ALDH5A1: variants seen among roughly 807,000 people sequenced by gnomAD.
The protein encoded by ALDH5A1 is aldehyde dehydrogenase 5 family member A1.
A neutral mutation model predicts 54.7 loss-of-function variants in ALDH5A1; 33 were observed. The observed-to-expected ratio is 0.60, with a 90% CI of 0.46 to 0.81. The LOEUF is 0.81. Among genes scored for constraint, ALDH5A1 ranks in the 30% least tolerant of loss-of-function variants. The pLI, the probability that ALDH5A1 is intolerant of heterozygous loss-of-function variation, is 0.00. For missense variants in ALDH5A1, 657 were observed against 711.0 expected (o/e 0.92, Z 0.86); for synonymous variants, 294 against 292.7 (o/e 1.00, Z -0.05).
intron 1 of ALDH5A1, among the ~76,000 whole-genome samples, chr6:24,500,188 C>T (rs1411594305): frequency 6.6e-6 from 1 of 152,180 alleles, no homozygotes; most frequent in Non-Finnish European, 1.5e-5. Context: ...GCAAAATATG[C>T]ATAACATAAC....
At chr6:24,527,215 C>CA (rs1484032924) in intron 7 of ALDH5A1, among the ~76,000 whole-genome samples, 1 of 151,740 alleles carries the variant, frequency 6.6e-6, no homozygotes, top group Admixed American at 6.6e-5. Context: ...AGGTGGAGTA[C>CA]AAAACACCAG....
In ALDH5A1 at chr6:24,528,007, A is replaced by C; in HGVS notation, c.1184A>C (p.Gln395Pro). Residue 395 changes from glutamine to proline, a missense_variant, in exon 8 of 10, where the codon CAG becomes CCG. Gln to Pro is a moderately conservative substitution (Grantham distance 76). Coordinates refer to ENST00000357578, the MANE Select transcript of ALDH5A1 (RefSeq NM_001080.3). ...NEKAVEKVEK[Q>P]VNDAVSKGAT... ...TTCCTCATTACACAGGTGGAGAAAC[A>C]GGTGAATGATGCCGTTTCTAAAGGT... 6.2e-7 allele frequency: 1 copy of C among 1,614,050 alleles called. No homozygotes were observed. The highest frequency in any genetic ancestry group is 8.5e-7 in the Non-Finnish European group (1 of 1,179,942).
chr6:24,515,998 G>A (rs1759563041), intron 5 of ALDH5A1, among the ~76,000 whole-genome samples: 1 of 152,052 alleles, frequency 6.6e-6, no homozygotes, highest in Admixed American at 6.6e-5. Context: ...TTTTTGAATT[G>A]AACAAAAATG....
chr6:24,522,249 G>T (rs919110357), intron 6 of ALDH5A1, among the ~76,000 whole-genome samples: 1 of 152,126 alleles, frequency 6.6e-6, no homozygotes, highest in Non-Finnish European at 1.5e-5. Context: ...GGTCAAGGCT[G>T]CAGTGAACTC....
intron 1 of ALDH5A1, among the ~76,000 whole-genome samples, chr6:24,501,878 T>C: frequency 1.8e-4 from 1 of 5,436 alleles, no homozygotes; most frequent in African/African-American, 8.2e-4. Context: ...CAATGTTTTA[T>C]ATATATATAT....
intron 1 of ALDH5A1, among the ~76,000 whole-genome samples, chr6:24,496,356 G>A (rs1341815491): frequency 6.6e-6 from 1 of 152,166 alleles, no homozygotes; most frequent in Non-Finnish European, 1.5e-5. Flanking sequence ...GATGCTGAGT[G>A]CAATATGGAA....
At chr6:24,499,241 G>A (rs7775307) in intron 1 of ALDH5A1, among the ~76,000 whole-genome samples, 49,989 of 151,944 alleles carry the variant, frequency 0.33, 8,589 homozygotes, top group African/African-American at 0.39. Context: ...GCAGTGAGCC[G>A]AGATGGCGCC....
chr6:24,536,853 A>C lies in ALDH5A1; in HGVS notation c.*3141A>C, dbSNP rs1335834802. 6.5e-6 allele frequency: 1 copy of C among 152,694 alleles called. No homozygotes were observed. The highest frequency in any genetic ancestry group is 1.5e-5 in the Non-Finnish European group (1 of 68,042). The allele number at this position is 152,694 out of a possible 1,614,324, so 9.5% of individuals were successfully genotyped here. A position where few individuals can be genotyped will look rare whatever the true frequency, so the allele number is the denominator to read the frequency against. On this transcript the variant is annotated 3_prime_UTR_variant, in exon 10 of 10. Coordinates refer to ENST00000357578, the MANE Select transcript of ALDH5A1 (RefSeq NM_001080.3). ...CTACTAAAGAGAGACAGCAGAAATAAAGATCAGAAGCAAATGTGAGCAAAT... is the reference window on the plus strand; with the variant it reads ...CTACTAAAGAGAGACAGCAGAAATACAGATCAGAAGCAAATGTGAGCAAAT...
At chr6:24,499,476 G>A (rs545334681) in intron 1 of ALDH5A1, among the ~76,000 whole-genome samples, 2 of 151,446 alleles carry the variant, frequency 1.3e-5, no homozygotes, top group South Asian at 4.2e-4. Flanking sequence ...TTTTTAATAA[G>A]CCATTTCTTC....
chr6:24,500,750 C>T (rs1236022423), intron 1 of ALDH5A1, among the ~76,000 whole-genome samples: 1 of 151,664 alleles, frequency 6.6e-6, no homozygotes, highest in African/African-American at 2.4e-5. Context: ...GCAATAATAG[C>T]TGTTTCCACA....
At position 24,532,101 on chromosome 6, in the gene ALDH5A1, C is replaced by T; in HGVS notation, c.1344-18C>T. The stretch of plus-strand genomic sequence containing the variant: ...CTCTCCCCCTTACATTTTTTATGAC[C>T]TATCTTAACTTTGGCAGGTTCGATA... On this transcript the variant is annotated intron_variant, in intron 8 of 9. Coordinates refer to ENST00000357578, the MANE Select transcript of ALDH5A1 (RefSeq NM_001080.3). The T allele has an allele frequency of 1.2e-6, 2 of 1,613,104 alleles. No homozygotes were observed. Among genetic ancestry groups the T allele is most frequent in the Non-Finnish European group, 1.7e-6 (2 of 1,179,108 alleles).
intron 4 of ALDH5A1, among the ~76,000 whole-genome samples, chr6:24,511,453 G>A (rs1421307055): frequency 6.6e-6 from 1 of 152,114 alleles, no homozygotes; most frequent in East Asian, 1.9e-4. Flanking sequence ...TCAGGAACAC[G>A]TATTATTCTT....
intron 7 of ALDH5A1, among the ~76,000 whole-genome samples, chr6:24,523,288 A>T (rs1434459607): frequency 6.6e-6 from 1 of 152,176 alleles, no homozygotes; most frequent in Non-Finnish European, 1.5e-5. Flanking sequence ...TGATGTTTTC[A>T]TACAAAAACC....
rs571602201 is a variant in ALDH5A1, at chr6:24,522,832, C to G, written c.1080C>G (p.Phe360Leu). Residue 360 changes from phenylalanine (F) to leucine (L), a missense_variant, in exon 7 of 10, where the codon TTC becomes TTG. Physicochemically the swap from Phe to Leu is conservative, Grantham distance 22 (BLOSUM62 0). Transcript: ENST00000357578. The part of the protein sequence containing the change: ...RGIHDAFVKA[F>L]AEAMKKNLRV... ...TCCATGATGCCTTTGTAAAAGCATT[C>G]GCCGAGGCCATGAAGAAGAACCTGC... The G allele has an allele frequency of 6.2e-7, 1 of 1,614,014 alleles. No individual in the cohort carries two copies. The highest frequency in any genetic ancestry group is 8.5e-7 in the Non-Finnish European group (1 of 1,180,014).
In ALDH5A1 at chr6:24,518,490, GA is replaced by G. The variant is rs1759614607; in HGVS notation, c.871-1910del. Among the ~76,000 whole-genome samples, 1 of 152,178 alleles carries G rather than the reference GA, an allele frequency of 6.6e-6. No homozygotes were observed. Among genetic ancestry groups the G allele is most frequent in the Non-Finnish European group, 1.5e-5 (1 of 68,036 alleles). On this transcript the variant is annotated intron_variant, in intron 5 of 9. Transcript: ENST00000357578. This position sits in a 1 kb window ranked among gnomAD's most constrained non-coding sequence, Gnocchi z 4.2. ...CTCAAGGCCAGGTGGAGGCAAAATG[GA>G]GTGACCCAACAGTGAGAATCATTTT...
intron 9 of ALDH5A1, among the ~76,000 whole-genome samples, chr6:24,533,248 G>A (rs952650060): frequency 1.3e-5 from 2 of 152,212 alleles, no homozygotes; most frequent in African/African-American, 4.8e-5. Flanking sequence ...TCTAACAGGT[G>A]TGCAGGTGGA....
rs751365223 is a variant in ALDH5A1 at position 24,503,356 on chromosome 6, A to G, written c.532A>G (p.Ile178Val). The G allele has an allele frequency of 2.7e-5, 43 of 1,614,014 alleles. No individual in the cohort carries two copies. Among genetic ancestry groups the G allele is most frequent in the Non-Finnish European group, 3.5e-5 (41 of 1,180,044 alleles). The stretch of plus-strand genomic sequence containing the variant: ...GGAAGCCCGCCGTGTTTACGGAGAC[A>G]TTATCCACACCCCGGCAAAGGACAG... Reference protein sequence around the residue: ...SEEARRVYGDIIHTPAKDRRA... With the variant: ...SEEARRVYGDVIHTPAKDRRA... The change falls in exon 3 of 10, where the codon ATT becomes GTT. Residue 178 changes from isoleucine (I) to valine (V), a missense_variant. Ile to Val is a conservative substitution (Grantham distance 29). This residue lies in a region of ALDH5A1 where 425 missense variants were observed against 516.4 expected (regional missense o/e 0.82). Transcript: ENST00000357578.
At chr6:24,495,406 GA>G in intron 1 of ALDH5A1, 56 bp downstream of exon 1, 1 of 1,499,890 alleles carries the variant, frequency 6.7e-7, no homozygotes, top group Middle Eastern at 2.3e-4. Context: ...GCGGGGAGCA[GA>G]GGGGGCTTTA....
intron 4 of ALDH5A1, among the ~76,000 whole-genome samples, chr6:24,507,372 T>C (rs901634490): frequency 2.6e-5 from 4 of 152,130 alleles, no homozygotes; most frequent in African/African-American, 4.8e-5. Context: ...TCTTCTGATA[T>C]AAAGCATTGC....
Sources: gnomAD v4.1 joint callset for allele counts (sites outside exome capture counted in the v4.1 genomes callset) on GRCh38, gnomAD v4.1.1 for gene constraint, gnomAD v4.1.1 regional missense constraint, Gnocchi (gnomAD v3.1) non-coding constraint, MANE v1.5 for transcripts, NCBI Gene and HGNC (gene_info 2026-07-23, HGNC 2026-07-21) for gene names.